Variants in SPTLC1 observed in about 807,000 individuals in gnomAD.
The protein encoded by SPTLC1 is serine palmitoyltransferase long chain base subunit 1, also known as serine palmitoyltransferase 1.
In SPTLC1, 55 loss-of-function variants were observed where a neutral mutation model predicts 68.9. That is an observed-to-expected ratio of 0.80 (90% CI 0.64 to 1.00). The LOEUF (loss-of-function observed/expected upper bound fraction) is 1.00, where lower values mean the gene tolerates loss of function less well. Ranked by LOEUF, SPTLC1 falls within the 50% of genes least tolerant of loss-of-function variation. The pLI is 0.00. For synonymous variants in SPTLC1, 197 were observed against 201.6 expected (o/e 0.98, Z 0.19); for missense variants, 449 against 573.1 (o/e 0.78, Z 2.21).
Position 92,034,865 on chromosome 9 carries a change from C to T in SPTLC1, c.1273G>A (p.Ala425Thr). The change falls in exon 14 of 15, where the codon GCA (alanine) becomes ACA (threonine). Residue 425 changes from alanine to threonine, a missense_variant. This residue lies in a region of SPTLC1 where 391 missense variants were observed against 472.1 expected (regional missense o/e 0.83). Coordinates refer to ENST00000262554, the MANE Select transcript of SPTLC1 (RefSeq NM_006415.4). The stretch of plus-strand genomic sequence containing the variant: ...TCCAAGTAGCGCGCCTGAGTTAATG[C>T]AATACTTCTGTTCATGCACTGTAGG... ...IVDQCMNRSI[A>T]LTQARYLEKE... is the part of the protein sequence containing the mutation. The T allele has an allele frequency of 6.2e-7, 1 of 1,614,124 alleles. No homozygotes were observed. Among genetic ancestry groups the T allele is most frequent in the Non-Finnish European group, 8.5e-7 (1 of 1,180,004 alleles).
intron 3 of SPTLC1, among the ~76,000 whole-genome samples, chr9:92,088,521 G>A (rs1000438179): frequency 1.3e-5 from 2 of 152,196 alleles, no homozygotes; most frequent in African/African-American, 4.8e-5. Context: ...TGATTTCATA[G>A]TCAGGTATTG....
intron 5 of SPTLC1, chr9:92,079,464 C>T: frequency 1.2e-6 from 2 of 1,611,636 alleles, no homozygotes; most frequent in East Asian, 2.2e-5. Flanking sequence ...TGATGACTCC[C>T]AGGGAATTCA....
chr9:92,032,629 G>C (rs368575586), intron 14 of SPTLC1, 71 bp from the exon 15 acceptor site: 1 of 1,596,124 alleles, frequency 6.3e-7, no homozygotes, highest in African/African-American at 1.3e-5. Context: ...TGTAATCCCA[G>C]CACTTTGGAG....
chr9:92,081,052 G>A, intron 3 of SPTLC1, 89 bp from the exon 4 acceptor site: 2 of 953,464 alleles, frequency 2.1e-6, no homozygotes, highest in South Asian at 2.7e-5. Context: ...ACAACATAGT[G>A]TTGTCATCCT....
At chr9:92,050,368 T>G in intron 8 of SPTLC1, 2 of 337,472 alleles carry the variant, frequency 5.9e-6, no homozygotes, top group South Asian at 5.6e-5. Flanking sequence ...AACTACCCTT[T>G]TCATGGCCTA....
chr9:92,105,089 G>A, intron 3 of SPTLC1: 1 of 1,532,758 alleles, frequency 6.5e-7, no homozygotes, highest in Non-Finnish European at 8.7e-7. Context: ...GATGGTGGGG[G>A]AGGACATGCA....
At chr9:92,057,021 G>C (rs888032858) in intron 7 of SPTLC1, among the ~76,000 whole-genome samples, 2 of 152,146 alleles carry the variant, frequency 1.3e-5, no homozygotes, top group African/African-American at 4.8e-5. Flanking sequence ...TTGGGAAATG[G>C]AAAAGTACAA....
In SPTLC1 at chr9:92,032,156, G is replaced by C. The variant is rs897622145; in HGVS notation, c.*309C>G. The C allele has an allele frequency of 6.5e-6, 6 of 918,676 alleles. No homozygotes were observed. The highest frequency in any genetic ancestry group is 9.5e-6 in the Non-Finnish European group (6 of 631,622). 56.9% of individuals were successfully genotyped at this position (918,676 alleles called of 1,614,324 possible). A position where few individuals can be genotyped will look rare whatever the true frequency, so the allele number is the denominator to read the frequency against. The stretch of plus-strand genomic sequence containing the variant: ...GCTCCAGTTTTAAACGACAACAAAA[G>C]AATATAAAATACTAGTATAAGAAAA... On this transcript the variant is annotated 3_prime_UTR_variant, in exon 15 of 15. Coordinates refer to ENST00000262554, the MANE Select transcript of SPTLC1 (RefSeq NM_006415.4).
At chr9:92,039,342 C>T (rs1280132621) in intron 12 of SPTLC1, among the ~76,000 whole-genome samples, 1 of 152,048 alleles carries the variant, frequency 6.6e-6, no homozygotes. Context: ...GGGGCCAAAT[C>T]CTGTATTTTT....
chr9:92,043,184 G>C (rs1182428420), intron 12 of SPTLC1, among the ~76,000 whole-genome samples: 1 of 152,130 alleles, frequency 6.6e-6, no homozygotes, highest in Non-Finnish European at 1.5e-5. Flanking sequence ...TCTGTTATCT[G>C]GTCTGGCCTG....
chr9:92,049,793 G>C (rs1181475343), intron 9 of SPTLC1, among the ~76,000 whole-genome samples, 167 bp downstream of exon 9: 1 of 152,168 alleles, frequency 6.6e-6, no homozygotes, highest in African/African-American at 2.4e-5. Flanking sequence ...CCCTGGTCTG[G>C]CTGACTAGAC....
At chr9:92,032,941 GC>G (rs1833023461) in intron 14 of SPTLC1, among the ~76,000 whole-genome samples, 1 of 151,830 alleles carries the variant, frequency 6.6e-6, no homozygotes, top group Non-Finnish European at 1.5e-5. Flanking sequence ...GTGAGGAACT[GC>G]ACTCACAGTC....
chr9:92,098,351 T>G (rs1344384508), intron 3 of SPTLC1, among the ~76,000 whole-genome samples: 1 of 145,130 alleles, frequency 6.9e-6, no homozygotes, highest in Non-Finnish European at 1.5e-5. Flanking sequence ...GCTCTGCACC[T>G]TTGGCACAGC....
chr9:92,103,342 T>C (rs893959744), intron 3 of SPTLC1, among the ~76,000 whole-genome samples: 1 of 152,242 alleles, frequency 6.6e-6, no homozygotes, highest in Non-Finnish European at 1.5e-5. Context: ...TCAACTTCTA[T>C]GCTGAAGTGA....
At chr9:92,085,031 A>G (rs1461771975) in intron 3 of SPTLC1, among the ~76,000 whole-genome samples, 3 of 151,632 alleles carry the variant, frequency 2.0e-5, no homozygotes, top group African/African-American at 7.3e-5. Flanking sequence ...ATTTGCGTAG[A>G]GGTGTTTGTA....
intron 5 of SPTLC1, chr9:92,079,491 A>G: frequency 6.2e-7 from 1 of 1,612,178 alleles, no homozygotes; most frequent in South Asian, 1.1e-5. Context: ...TTGAAATCAT[A>G]CATTCATCAA....
chr9:92,066,619 T>C (rs1315054780), intron 6 of SPTLC1, among the ~76,000 whole-genome samples: 30 of 152,158 alleles, frequency 2.0e-4, no homozygotes, highest in Admixed American at 2.0e-3. Context: ...TACAAAGGAC[T>C]TGGGTCTTTA....
At chr9:92,055,369 C>T in intron 8 of SPTLC1, 36 bp downstream of exon 8, 1 of 1,611,902 alleles carries the variant, frequency 6.2e-7, no homozygotes, top group Non-Finnish European at 8.5e-7. Context: ...TCAAATAGTC[C>T]AAATATTAAA....
chr9:92,062,094 A>G (rs1417852202), intron 6 of SPTLC1, among the ~76,000 whole-genome samples: 1 of 152,168 alleles, frequency 6.6e-6, no homozygotes, highest in Non-Finnish European at 1.5e-5. Context: ...TCTGTAAGAA[A>G]CTCACTACAA....
Sources: allele counts gnomAD v4.1 joint callset (sites outside exome capture counted in the v4.1 genomes callset), GRCh38; gene constraint gnomAD v4.1.1; regional missense constraint gnomAD v4.1.1; transcripts MANE v1.5; gene names NCBI Gene and HGNC (gene_info 2026-07-23, HGNC 2026-07-21).